The following NEK1 variants were observed in gnomAD, a reference collection of about 807,000 sequenced individuals.
The protein encoded by NEK1 is NIMA related kinase 1.
A neutral mutation model predicts 182.1 loss-of-function variants in NEK1; 137 were observed. That is an observed-to-expected ratio of 0.75 (90% confidence interval 0.65 to 0.87). NEK1 has a LOEUF of 0.87. NEK1 is among the 40% of genes least tolerant of loss of function. The pLI is 0.00. For synonymous variants in NEK1, 513 were observed against 492.2 expected (o/e 1.04, Z -0.56); for missense variants, 1,391 against 1,494.4 (o/e 0.93, Z 1.14).
intron 12 of NEK1, among the ~76,000 whole-genome samples, chr4:169,575,139 G>A (rs1175372275): frequency 6.6e-6 from 1 of 152,170 alleles, no homozygotes; most frequent in African/African-American, 2.4e-5. Flanking sequence ...TAGGCTTCCT[G>A]TGGTGACTGA....
At chr4:169,585,759 T>A (rs1325007121) in intron 9 of NEK1, among the ~76,000 whole-genome samples, 1 of 152,160 alleles carries the variant, frequency 6.6e-6, no homozygotes, top group Non-Finnish European at 1.5e-5. Flanking sequence ...TTTTACTTAT[T>A]CGAAATATTT....
intron 12 of NEK1, among the ~76,000 whole-genome samples, chr4:169,570,701 G>C (rs1580852283): frequency 1.3e-5 from 2 of 152,334 alleles, no homozygotes; most frequent in South Asian, 4.1e-4. Flanking sequence ...TTGAGAACCA[G>C]CTATGATGAC....
chr4:169,580,057 T>C (rs1348939943), intron 11 of NEK1, among the ~76,000 whole-genome samples: 2 of 152,140 alleles, frequency 1.3e-5, no homozygotes, highest in African/African-American at 2.4e-5. Flanking sequence ...TAAATACATA[T>C]ACATAGTATA....
At chr4:169,524,575 A>G (rs1056566895) in intron 19 of NEK1, among the ~76,000 whole-genome samples, 1 of 152,134 alleles carries the variant, frequency 6.6e-6, no homozygotes, top group African/African-American at 2.4e-5. Context: ...AATCACGCAT[A>G]TGTGTGTGAA....
intron 23 of NEK1, among the ~76,000 whole-genome samples, chr4:169,486,696 A>G (rs1416547391): frequency 1.3e-5 from 2 of 152,264 alleles, no homozygotes; most frequent in African/African-American, 2.4e-5. Context: ...TAATGCTTTT[A>G]TAAGAATATC....
intron 15 of NEK1, 57 bp from the exon 16 acceptor site, chr4:169,561,611 G>A (rs896220088): frequency 8.2e-6 from 13 of 1,590,812 alleles, no homozygotes; most frequent in Middle Eastern, 3.3e-4. Flanking sequence ...TAAAATACAC[G>A]TAATACATTT....
intron 4 of NEK1, among the ~76,000 whole-genome samples, chr4:169,600,443 C>T (rs941459134): frequency 2.4e-4 from 36 of 152,200 alleles, no homozygotes; most frequent in African/African-American, 7.9e-4. Context: ...GAGATCCTCC[C>T]ACCTCAGCCT....
intron 31 of NEK1, among the ~76,000 whole-genome samples, chr4:169,407,240 C>T (rs1372279464): frequency 5.3e-5 from 8 of 152,174 alleles, no homozygotes; most frequent in Non-Finnish European, 7.3e-5. Context: ...CAACTTGCCC[C>T]ACACAGTCTT....
chr4:169,421,370 A>C (rs1304040484), intron 31 of NEK1, among the ~76,000 whole-genome samples: 2 of 152,186 alleles, frequency 1.3e-5, no homozygotes, highest in Non-Finnish European at 2.9e-5. Flanking sequence ...ATAAAATAAA[A>C]ACTGACATAA....
intron 16 of NEK1, among the ~76,000 whole-genome samples, chr4:169,559,847 TA>T (rs1762648745): frequency 6.6e-6 from 1 of 152,032 alleles, no homozygotes; most frequent in African/African-American, 2.4e-5. Flanking sequence ...CCGTCTCTAC[TA>T]AAAATACAAA....
At chr4:169,475,772 T>C (rs998535685) in intron 26 of NEK1, among the ~76,000 whole-genome samples, 2 of 152,082 alleles carry the variant, frequency 1.3e-5, no homozygotes, top group African/African-American at 4.8e-5. Flanking sequence ...AACAACTCCT[T>C]AAACTTCTGG....
intron 23 of NEK1, among the ~76,000 whole-genome samples, chr4:169,503,604 G>GA (rs1752766042): frequency 6.6e-6 from 1 of 151,934 alleles, no homozygotes; most frequent in African/African-American, 2.4e-5. Context: ...AATGTTCCAG[G>GA]AATCTACGTT....
At chr4:169,609,894 T>C (rs548836487) in intron 2 of NEK1, among the ~76,000 whole-genome samples, 32 of 152,352 alleles carry the variant, frequency 2.1e-4, no homozygotes, top group Non-Finnish European at 1.3e-4. Context: ...TCCTCACTTT[T>C]GACATTCAAA....
At chr4:169,408,428 T>C (rs1322884812) in intron 31 of NEK1, among the ~76,000 whole-genome samples, 1 of 151,144 alleles carries the variant, frequency 6.6e-6, no homozygotes, top group African/African-American at 2.4e-5. Context: ...TCCCTATAGA[T>C]TTATTTATTC....
intron 23 of NEK1, among the ~76,000 whole-genome samples, chr4:169,496,313 T>TGGGGGG (rs1473440311): frequency 2.6e-4 from 40 of 151,896 alleles, no homozygotes; most frequent in Non-Finnish European, 4.4e-5. Flanking sequence ...GCTGAGACGA[T>TGGGGGG]GGGGTTTTCT....
At chr4:169,552,637 G>T (rs1478277800) in intron 18 of NEK1, among the ~76,000 whole-genome samples, 1 of 152,072 alleles carries the variant, frequency 6.6e-6, no homozygotes, top group Admixed American at 6.6e-5. Flanking sequence ...AGACTGGGAA[G>T]GAAGAAATAT....
rs1269460758 is a variant in NEK1 at position 169,414,666 on chromosome 4, C to A, written c.3223-7919G>T. Among the ~76,000 whole-genome samples the A allele has an allele frequency of 2.6e-5, 4 of 152,142 alleles. No homozygotes were observed. The East Asian group carries it at 7.7e-4, about 29-fold the overall frequency. The stretch of plus-strand genomic sequence containing the variant: ...GGACCACCAGCAGCAGAATTACTTA[C>A]GGTGTGTGCCAAAAATGCATATTCC... On this transcript the variant is annotated intron_variant, in intron 31 of 35. Coordinates refer to ENST00000507142, the MANE Select transcript of NEK1 (RefSeq NM_001199397.3).
At chr4:169,569,244 C>T (rs998489713) in intron 12 of NEK1, among the ~76,000 whole-genome samples, 15 of 152,090 alleles carry the variant, frequency 9.9e-5, no homozygotes, top group Non-Finnish European at 1.2e-4. Context: ...CTTTTCATTA[C>T]CTCAACCTGA....
chr4:169,528,962 A>G (rs2149782811), intron 19 of NEK1, among the ~76,000 whole-genome samples: 1 of 152,348 alleles, frequency 6.6e-6, no homozygotes, highest in South Asian at 2.1e-4. Flanking sequence ...AAACGACAAC[A>G]GAGATAATAA....
Sources: gnomAD v4.1 joint callset for allele counts (sites outside exome capture counted in the v4.1 genomes callset) on GRCh38, gnomAD v4.1.1 for gene constraint, MANE v1.5 for transcripts, NCBI Gene and HGNC (gene_info 2026-07-23, HGNC 2026-07-21) for gene names.